The following DDX10 variants were observed in gnomAD, a reference collection of about 807,000 sequenced individuals.
DDX10 encodes DEAD-box helicase 10, also known as probable ATP-dependent RNA helicase DDX10.
A neutral mutation model predicts 104.3 loss-of-function variants in DDX10; 74 were observed. The observed-to-expected ratio is 0.71, with a 90% CI of 0.59 to 0.86. The LOEUF (loss-of-function observed/expected upper bound fraction) is 0.86. Among genes scored for constraint, DDX10 ranks in the 40% least tolerant of loss-of-function variants. The pLI, the probability that DDX10 is intolerant of heterozygous loss-of-function variation, is 0.00. For synonymous variants in DDX10, 351 were observed against 353.4 expected (o/e 0.99, Z 0.08); for missense variants, 952 against 1,040.0 (o/e 0.92, Z 1.16).
chr11:108,740,098 A>G (rs1217103998), intron 13 of DDX10, among the ~76,000 whole-genome samples: 1 of 151,806 alleles, frequency 6.6e-6, no homozygotes, highest in Non-Finnish European at 1.5e-5. Context: ...TGATAAGCAT[A>G]GTACCTGATA....
intron 13 of DDX10, among the ~76,000 whole-genome samples, chr11:108,814,057 A>G (rs977906670): frequency 6.6e-6 from 1 of 152,112 alleles, no homozygotes; most frequent in Non-Finnish European, 1.5e-5. Flanking sequence ...AATCCACTGT[A>G]AGGGTTTATT....
rs555270161 is a variant in DDX10 at position 108,829,063 on chromosome 11, GTACCTTTTTCATATAATGACTTC to G, written c.1966-9381_1966-9359del. Among the ~76,000 whole-genome samples, 626 of 152,344 alleles carry G rather than the reference GTACCTTTTTCATATAATGACTTC, an allele frequency of 4.1e-3. 1 individual carries two copies. Among genetic ancestry groups the G allele is most frequent in the Middle Eastern group, 6.8e-3 (2 of 294 alleles). ...TGCTGCTATAAGCATGAGTATGCAA[GTACCTTTTTCATATAATGACTTC>G]TTTTCCTCTGGGTAGATACCTAATA... On this transcript the variant is annotated intron_variant, in intron 13 of 17. Transcript: ENST00000322536.
chr11:108,864,128 C>A (rs2134617165), intron 16 of DDX10, among the ~76,000 whole-genome samples: 1 of 152,232 alleles, frequency 6.6e-6, no homozygotes, highest in African/African-American at 2.4e-5. Flanking sequence ...AACTATGAAT[C>A]ACATTAAAAA....
rs114342112 is a variant in DDX10, at chr11:108,889,730, C to T, written c.2305-28143C>T. The stretch of plus-strand genomic sequence containing the variant: ...TTATGGTTGCTATGAGACAAGTAGA[C>T]CAGAATTACAAAGCAAACTCACAAT... On this transcript the variant is annotated intron_variant, in intron 16 of 17. Coordinates refer to ENST00000322536, the MANE Select transcript of DDX10 (RefSeq NM_004398.4). 5.9e-4 allele frequency among the ~76,000 whole-genome samples: 90 copies of T among 152,118 alleles called. 1 individual carries two copies. The highest frequency in any genetic ancestry group is 2.1e-3 in the African/African-American group (86 of 41,504).
At chr11:108,780,230 A>G (rs1258448350) in intron 13 of DDX10, among the ~76,000 whole-genome samples, 1 of 152,174 alleles carries the variant, frequency 6.6e-6, no homozygotes, top group African/African-American at 2.4e-5. Flanking sequence ...CTGAATAACT[A>G]ATGAAACAGA....
At chr11:108,810,743 T>C (rs1337491061) in intron 13 of DDX10, among the ~76,000 whole-genome samples, 2 of 152,200 alleles carry the variant, frequency 1.3e-5, no homozygotes, top group Non-Finnish European at 2.9e-5. Context: ...CTAGAAATCC[T>C]GGGAATTTTA....
chr11:108,700,245 A>G (rs2094265817), intron 9 of DDX10, among the ~76,000 whole-genome samples: 1 of 152,182 alleles, frequency 6.6e-6, no homozygotes, highest in Admixed American at 6.5e-5. Context: ...CCCAAACTCA[A>G]TAAATATTTG....
At chr11:108,755,286 C>T in intron 13 of DDX10, among the ~76,000 whole-genome samples, 1 of 151,994 alleles carries the variant, frequency 6.6e-6, no homozygotes, top group East Asian at 1.9e-4. Flanking sequence ...TGGAGAAAAT[C>T]CTTGAAGTTA....
intron 10 of DDX10, among the ~76,000 whole-genome samples, chr11:108,710,471 C>T (rs1288056355): frequency 6.6e-6 from 1 of 151,152 alleles, no homozygotes; most frequent in African/African-American, 2.4e-5. Flanking sequence ...TTAAATGGAG[C>T]CTAGGCCTAC....
rs1382493034 is a variant in DDX10, at chr11:108,940,775, C to A, written c.*352C>A. ...GTCATTGTTAGAAATCCCTGTCTTG[C>A]TTACTGTACAGAAGTTTCTGTTGCT... On this transcript the variant is annotated 3_prime_UTR_variant, in exon 18 of 18. Transcript: ENST00000322536. 32 of 247,622 alleles carry A rather than the reference C, an allele frequency of 1.3e-4. No individual in the cohort carries two copies. Among genetic ancestry groups the A allele is most frequent in the East Asian group, 1.1e-3 (18 of 16,914 alleles). The allele number at this position is 247,622 out of a possible 1,614,324, so 15.3% of individuals were successfully genotyped here.
intron 17 of DDX10, chr11:108,919,190 A>C (rs1413004259): frequency 6.6e-6 from 1 of 152,172 alleles, no homozygotes; most frequent in East Asian, 1.9e-4. Flanking sequence ...AGAAACTTCC[A>C]TTTGCTGTTG....
chr11:108,697,088 A>C (rs2094260914), intron 9 of DDX10, among the ~76,000 whole-genome samples: 1 of 152,196 alleles, frequency 6.6e-6, no homozygotes, highest in Non-Finnish European at 1.5e-5. Flanking sequence ...TCTGAAAAAA[A>C]TGTTTTAATG....
rs554814282 is a variant in DDX10 at position 108,667,189 on chromosome 11, A to G, written c.186+1850A>G. On this transcript the variant is annotated intron_variant, in intron 1 of 17. Coordinates refer to ENST00000322536, the MANE Select transcript of DDX10 (RefSeq NM_004398.4). The stretch of plus-strand genomic sequence containing the variant: ...GTAGTCCTAAGGGTGGAACTACTCA[A>G]TTGTTCCCTTGTAATACAAAAGCTG... Among the ~76,000 whole-genome samples the G allele has an allele frequency of 4.6e-5, 7 of 152,320 alleles. 1 individual carries two copies. The South Asian group carries it at 1.4e-3, about 32-fold the overall frequency.
At chr11:108,803,172 T>C (rs1272651599) in intron 13 of DDX10, among the ~76,000 whole-genome samples, 1 of 152,232 alleles carries the variant, frequency 6.6e-6, no homozygotes, top group Non-Finnish European at 1.5e-5. Context: ...TCTTGCAATA[T>C]ATCAGACTTG....
chr11:108,838,749 G>A (rs936240225), intron 14 of DDX10, among the ~76,000 whole-genome samples, 184 bp downstream of exon 14: 1 of 152,122 alleles, frequency 6.6e-6, no homozygotes, highest in Non-Finnish European at 1.5e-5. Context: ...ATGCCTTACT[G>A]CCAATAAGCC....
intron 16 of DDX10, among the ~76,000 whole-genome samples, chr11:108,892,464 G>A (rs1863389381): frequency 6.6e-6 from 1 of 151,978 alleles, no homozygotes; most frequent in African/African-American, 2.4e-5. Flanking sequence ...CATCACAAAC[G>A]GACTAAGACA....
At chr11:108,854,871 GAA>G in intron 16 of DDX10, among the ~76,000 whole-genome samples, 1 of 152,232 alleles carries the variant, frequency 6.6e-6, no homozygotes, top group Middle Eastern at 3.4e-3. Context: ...GTACTTCTAA[GAA>G]AAATTGCTTT....
intron 16 of DDX10, among the ~76,000 whole-genome samples, chr11:108,895,264 T>G (rs1028612195): frequency 1.3e-5 from 2 of 151,958 alleles, no homozygotes; most frequent in Non-Finnish European, 2.9e-5. Context: ...AAGTGATTTT[T>G]TTTTTTGCTT....
At chr11:108,905,607 T>A (rs537272096) in intron 16 of DDX10, among the ~76,000 whole-genome samples, 1 of 152,310 alleles carries the variant, frequency 6.6e-6, no homozygotes, top group South Asian at 2.1e-4. Context: ...CCTGATCTAT[T>A]TTTTGTAGCG....
Sources: gnomAD v4.1 joint callset for allele counts (sites outside exome capture counted in the v4.1 genomes callset) on GRCh38, gnomAD v4.1.1 for gene constraint, MANE v1.5 for transcripts, NCBI Gene and HGNC (gene_info 2026-07-23, HGNC 2026-07-21) for gene names.